KLF12: variants seen among roughly 807,000 people sequenced by gnomAD.
The protein encoded by KLF12 is Krueppel-like factor 12.
Under a neutral mutation model 37.8 loss-of-function variants are expected in KLF12, and 9 were observed. That is an observed-to-expected ratio of 0.24 (90% CI 0.14 to 0.42). The LOEUF (loss-of-function observed/expected upper bound fraction) is 0.42, where lower values mean the gene tolerates loss of function less well. Ranked by LOEUF, KLF12 falls within the 10% of genes least tolerant of loss-of-function variation. KLF12 has a pLI of 1.00. For synonymous variants in KLF12, 208 were observed against 202.1 expected, an observed-to-expected ratio of 1.03 and a Z score of -0.25; for missense variants, 411 against 516.0, an observed-to-expected ratio of 0.80 and a Z score of 1.97.
At chr13:74,149,851 C>G in the KLF12 span, among the ~76,000 whole-genome samples, 2 of 152,176 alleles carry the variant, frequency 1.3e-5, no homozygotes, top group Non-Finnish European at 2.9e-5. Flanking sequence ...TCTGAACACA[C>G]CAGATCATCC....
At chr13:74,200,859 C>T in the KLF12 span, among the ~76,000 whole-genome samples, 1 of 152,060 alleles carries the variant, frequency 6.6e-6, no homozygotes, top group African/African-American at 2.4e-5. Flanking sequence ...ATTGTCCTTA[C>T]CAAGATGAAC....
At chr13:74,124,768 A>G (rs1877842035) in intron 1 of KLF12, among the ~76,000 whole-genome samples, 1 of 152,242 alleles carries the variant, frequency 6.6e-6, no homozygotes, top group Non-Finnish European at 1.5e-5. Context: ...GCTCTAAAAG[A>G]TAACAGAAAA....
chr13:74,197,855 C>G, the KLF12 span, among the ~76,000 whole-genome samples: 2 of 152,116 alleles, frequency 1.3e-5, no homozygotes, highest in Admixed American at 6.6e-5. Flanking sequence ...CAATGGCAGT[C>G]ATCCCTCCAG....
the KLF12 span, among the ~76,000 whole-genome samples, chr13:74,270,152 G>A: frequency 6.6e-6 from 1 of 152,110 alleles, no homozygotes; most frequent in African/African-American, 2.4e-5. Context: ...GGAATTCTCT[G>A]AGTAATAGGA....
intron 6 of KLF12, among the ~76,000 whole-genome samples, chr13:73,746,719 C>G (rs571029488): frequency 4.0e-5 from 6 of 150,214 alleles, no homozygotes; most frequent in Non-Finnish European, 8.9e-5. Flanking sequence ...TTTTGTGTAT[C>G]TTTCTAAAAA....
chr13:73,909,519 A>T (rs545954824), intron 3 of KLF12, among the ~76,000 whole-genome samples: 2 of 152,320 alleles, frequency 1.3e-5, no homozygotes, highest in Non-Finnish European at 2.9e-5. Flanking sequence ...GATGCTTAAT[A>T]TGGGATGATT....
the KLF12 span, among the ~76,000 whole-genome samples, chr13:74,163,618 G>A: frequency 2.6e-5 from 4 of 152,090 alleles, no homozygotes; most frequent in Non-Finnish European, 5.9e-5. Flanking sequence ...TGGTTAATGG[G>A]TACAAAAAAT....
At chr13:73,887,103 T>C (rs897082641) in intron 3 of KLF12, among the ~76,000 whole-genome samples, 3 of 152,224 alleles carry the variant, frequency 2.0e-5, no homozygotes, top group Non-Finnish European at 4.4e-5. Flanking sequence ...TGGTTCATCA[T>C]CATCAGGGAC....
chr13:73,743,077 A>T (rs1878116520), intron 6 of KLF12, among the ~76,000 whole-genome samples: 1 of 152,168 alleles, frequency 6.6e-6, no homozygotes, highest in South Asian at 2.1e-4. Flanking sequence ...TTTCTCTTAC[A>T]TAAGAAAATC....
At chr13:73,754,494 G>A (rs1388331814) in intron 6 of KLF12, among the ~76,000 whole-genome samples, 2 of 152,132 alleles carry the variant, frequency 1.3e-5, no homozygotes, top group African/African-American at 4.8e-5. Context: ...CACACAATTT[G>A]ATGAGATCTG....
chr13:74,196,305 T>G, the KLF12 span, among the ~76,000 whole-genome samples: 127 of 152,236 alleles, frequency 8.3e-4, no homozygotes, highest in East Asian at 0.011. Context: ...GTTGAGTTGG[T>G]CAATGGGGAG....
chr13:74,166,045 G>T, the KLF12 span, among the ~76,000 whole-genome samples: 1 of 150,714 alleles, frequency 6.6e-6, no homozygotes, highest in Non-Finnish European at 1.5e-5. Flanking sequence ...GTTAGTTCAG[G>T]ATGGATCGAT....
intron 6 of KLF12, among the ~76,000 whole-genome samples, chr13:73,721,032 AC>A (rs1374483524): frequency 3.3e-5 from 5 of 152,192 alleles, no homozygotes; most frequent in African/African-American, 1.2e-4. Flanking sequence ...TCCAAGGGCC[AC>A]AGCTGAGGAT....
chr13:73,758,915 G>A (rs1402616658), intron 6 of KLF12, among the ~76,000 whole-genome samples: 1 of 152,038 alleles, frequency 6.6e-6, no homozygotes, highest in African/African-American at 2.4e-5. Context: ...TCTTTCATAC[G>A]GTCACTTTGG....
intron 1 of KLF12, among the ~76,000 whole-genome samples, chr13:74,014,896 G>C (rs555334901): frequency 4.6e-5 from 7 of 152,252 alleles, no homozygotes; most frequent in South Asian, 4.1e-4. Flanking sequence ...GTTTTTCTAA[G>C]TAAAGCTGTG....
rs1891767296 is a variant in KLF12 at position 73,984,332 on chromosome 13, G to A, written c.33+10658C>T. ...GAAGGTGCAGCTCACACACACTGTC[G>A]CCTATGTGCCTGCTCTCCTCGCTGG... On this transcript the variant is annotated intron_variant, in intron 2 of 7. Coordinates refer to ENST00000377669, the MANE Select transcript of KLF12 (RefSeq NM_007249.5). Among the ~76,000 whole-genome samples the A allele has an allele frequency of 3.9e-5, 6 of 152,186 alleles. No homozygotes were observed. In the South Asian group the frequency reaches 1.0e-3, roughly 26 times the overall value.
At chr13:73,712,216 T>C (rs1430334821) in intron 7 of KLF12, among the ~76,000 whole-genome samples, 2 of 151,456 alleles carry the variant, frequency 1.3e-5, no homozygotes, top group Non-Finnish European at 2.9e-5. Flanking sequence ...CACATGCCTG[T>C]AATCCCAGCT....
chr13:73,905,276 T>C (rs1031992997), intron 3 of KLF12, among the ~76,000 whole-genome samples: 2 of 152,204 alleles, frequency 1.3e-5, no homozygotes, highest in African/African-American at 4.8e-5. Flanking sequence ...TTTCAAATTA[T>C]TGTTTTACTT....
chr13:74,236,199 G>A, the KLF12 span, among the ~76,000 whole-genome samples: 301 of 138,648 alleles, frequency 2.2e-3, 5 homozygotes, highest in South Asian at 3.0e-3. Context: ...GCGGTGTTTG[G>A]TTTTTTGTTC....
Sources: allele counts gnomAD v4.1 joint callset (sites outside exome capture counted in the v4.1 genomes callset), GRCh38; gene constraint gnomAD v4.1.1; transcripts MANE v1.5; gene names NCBI Gene and HGNC (gene_info 2026-07-23, HGNC 2026-07-21).